NFIB: variants seen among roughly 807,000 people sequenced by gnomAD.
The protein encoded by NFIB is nuclear factor I B.
A neutral mutation model predicts 61.5 loss-of-function variants in NFIB; 11 were observed. The observed-to-expected ratio is 0.18, with a 90% CI of 0.11 to 0.30. The LOEUF is 0.30. NFIB is among the 10% of genes least tolerant of loss of function. The pLI is 1.00. For synonymous variants in NFIB, 260 were observed against 216.5 expected, an observed-to-expected ratio of 1.20 and a Z score of -1.76; for missense variants, 471 against 608.9, an observed-to-expected ratio of 0.77 and a Z score of 2.38.
the NFIB span, among the ~76,000 whole-genome samples, chr9:14,419,207 G>T: frequency 1.3e-5 from 2 of 148,600 alleles, no homozygotes; most frequent in African/African-American, 2.5e-5. Context: ...TCCTTTCAAA[G>T]ATTTTTTTCC....
chr9:14,239,284 CTT>C (rs2132023681), intron 2 of NFIB, among the ~76,000 whole-genome samples: 1 of 152,306 alleles, frequency 6.6e-6, no homozygotes, highest in African/African-American at 2.4e-5. Flanking sequence ...CCCATTAGGT[CTT>C]TTTGTAAAAA....
chr9:14,432,781 G>C, the NFIB span, among the ~76,000 whole-genome samples: 1 of 152,108 alleles, frequency 6.6e-6, no homozygotes, highest in Non-Finnish European at 1.5e-5. Flanking sequence ...ATTGAAAGAG[G>C]ACATAAGCAC....
intron 3 of NFIB, among the ~76,000 whole-genome samples, chr9:14,157,178 G>A (rs953489744): frequency 6.6e-6 from 1 of 152,132 alleles, no homozygotes; most frequent in Admixed American, 6.6e-5. Flanking sequence ...AACAAATTAA[G>A]ATCTTAGGGC....
intron 1 of NFIB, among the ~76,000 whole-genome samples, chr9:14,379,372 T>A (rs538356457): frequency 9.0e-4 from 137 of 152,346 alleles, no homozygotes; most frequent in African/African-American, 3.0e-3. Flanking sequence ...TTGAATTATG[T>A]TTCTGTGAAA....
the NFIB span, among the ~76,000 whole-genome samples, chr9:14,496,141 C>T: frequency 0.34 from 52,234 of 152,016 alleles, 10,090 homozygotes; most frequent in African/African-American, 0.53. Flanking sequence ...GAGTATCCCT[C>T]ATCTGAAATG....
chr9:14,082,417 G>C lies in NFIB; in HGVS notation c.*5892C>G, dbSNP rs999864377. On this transcript the variant is annotated 3_prime_UTR_variant, in exon 11 of 11. Coordinates refer to ENST00000380953, the MANE Select transcript of NFIB (RefSeq NM_001190737.2). ...GAGAAATATCATTGAGGTGGGGGCA[G>C]CTCTTCCCAGGATGCTAAAAGTTCT... 1 of 203,226 alleles carries C rather than the reference G, an allele frequency of 4.9e-6. No individual in the cohort carries two copies. The highest frequency in any genetic ancestry group is 1.0e-5 in the Non-Finnish European group (1 of 98,668). The allele number at this position is 203,226 out of a possible 1,614,324, so 12.6% of individuals were successfully genotyped here.
At chr9:14,178,159 G>C (rs187422645) in intron 3 of NFIB, among the ~76,000 whole-genome samples, 1 of 151,986 alleles carries the variant, frequency 6.6e-6, no homozygotes, top group Non-Finnish European at 1.5e-5. Flanking sequence ...GATGAGTAAG[G>C]AGACTTTTAA....
At chr9:14,090,536 A>G (rs1302546136) in intron 10 of NFIB, among the ~76,000 whole-genome samples, 1 of 152,130 alleles carries the variant, frequency 6.6e-6, no homozygotes, top group East Asian at 1.9e-4. Flanking sequence ...AACTTCACAG[A>G]GAAAACGACC....
chr9:14,244,893 C>T (rs999986272), intron 2 of NFIB, among the ~76,000 whole-genome samples: 2 of 152,172 alleles, frequency 1.3e-5, no homozygotes, highest in Non-Finnish European at 1.5e-5. Context: ...ATTAGTGCAG[C>T]ATGTGCCTAA....
intron 2 of NFIB, among the ~76,000 whole-genome samples, chr9:14,203,725 C>T (rs962664439): frequency 2.6e-5 from 4 of 152,232 alleles, no homozygotes; most frequent in Admixed American, 1.3e-4. Flanking sequence ...GTATTTCCCT[C>T]ATAAATAAGA....
chr9:14,333,683 G>C (rs1423075860), intron 1 of NFIB, among the ~76,000 whole-genome samples: 1 of 152,176 alleles, frequency 6.6e-6, no homozygotes, highest in East Asian at 1.9e-4. Flanking sequence ...AAAAGAAATT[G>C]TCGTGTGGTC....
chr9:14,480,890 T>A, the NFIB span, among the ~76,000 whole-genome samples: 1 of 152,016 alleles, frequency 6.6e-6, no homozygotes, highest in African/African-American at 2.4e-5. Flanking sequence ...CTGCTGGAAA[T>A]CACTTCATAA....
chr9:14,425,330 G>A, the NFIB span, among the ~76,000 whole-genome samples: 2 of 152,076 alleles, frequency 1.3e-5, no homozygotes, highest in Admixed American at 1.3e-4. Flanking sequence ...AGAGAAGCTG[G>A]TACACAAGGT....
intron 1 of NFIB, among the ~76,000 whole-genome samples, chr9:14,360,539 T>C (rs1449484923): frequency 1.3e-5 from 2 of 150,688 alleles, no homozygotes; most frequent in African/African-American, 4.9e-5. Flanking sequence ...GGTGATTTTC[T>C]GTTTTTTTCT....
Position 14,313,947 on chromosome 9 carries a change from G to T in NFIB, c.-436C>A. 9.4e-7 allele frequency: 1 copy of T among 1,065,944 alleles called. No individual in the cohort carries two copies. The highest frequency in any genetic ancestry group is 1.1e-6 in the Non-Finnish European group (1 of 881,078). 66.0% of individuals were successfully genotyped at this position (1,065,944 alleles called of 1,614,324 possible). A position where few individuals can be genotyped will look rare whatever the true frequency, so the allele number is the denominator to read the frequency against. ...GTAAAATGCTTTTTCAAAAAAGGCG[G>T]GGAGGGGGGCGCGGGAGGGCGCAGG... On this transcript the variant is annotated 5_prime_UTR_variant, in exon 1 of 11. Transcript: ENST00000380953. This position sits in a 1 kb window ranked among gnomAD's most constrained non-coding sequence, Gnocchi z 4.5.
chr9:14,140,549 T>C (rs2041570737), intron 6 of NFIB, among the ~76,000 whole-genome samples: 1 of 152,200 alleles, frequency 6.6e-6, no homozygotes, highest in South Asian at 2.1e-4. Flanking sequence ...ATGAAAATAG[T>C]TGAAATTTTT....
At chr9:14,253,417 G>A (rs980274609) in intron 2 of NFIB, among the ~76,000 whole-genome samples, 2 of 152,182 alleles carry the variant, frequency 1.3e-5, no homozygotes, top group African/African-American at 2.4e-5. Flanking sequence ...ATGTACAGAG[G>A]CAGAATAGCC....
intron 1 of NFIB, among the ~76,000 whole-genome samples, chr9:14,395,893 G>A (rs1189689570): frequency 2.0e-5 from 3 of 151,636 alleles, no homozygotes; most frequent in African/African-American, 7.3e-5. Flanking sequence ...TTGAGGCTGG[G>A]GTGTGGGTGG....
chr9:14,251,900 T>C (rs1292749299), intron 2 of NFIB, among the ~76,000 whole-genome samples: 1 of 152,236 alleles, frequency 6.6e-6, no homozygotes, highest in East Asian at 1.9e-4. Context: ...TTATATTATA[T>C]TACTCGAGGT....
Sources: allele counts gnomAD v4.1 joint callset (sites outside exome capture counted in the v4.1 genomes callset), GRCh38; gene constraint gnomAD v4.1.1; non-coding constraint Gnocchi (gnomAD v3.1); transcripts MANE v1.5; gene names NCBI Gene and HGNC (gene_info 2026-07-23, HGNC 2026-07-21).